VPS13A: variants seen among roughly 807,000 people sequenced by gnomAD.
VPS13A encodes vacuolar protein sorting 13 homolog A.
VPS13A carries 264 observed loss-of-function variants against 390.9 expected under a neutral mutation model. That is an observed-to-expected ratio of 0.68 (90% confidence interval 0.61 to 0.75). VPS13A has a LOEUF of 0.75. VPS13A is among the 30% of genes least tolerant of loss of function. VPS13A has a pLI of 0.00. For synonymous variants in VPS13A, 1,231 were observed against 1,227.1 expected (o/e 1.00, Z -0.07); for missense variants, 3,409 against 3,733.9 (o/e 0.91, Z 2.27).
At chr9:77,275,988 A>G in intron 25 of VPS13A, 77 bp from the exon 26 acceptor site, 2 of 1,462,800 alleles carry the variant, frequency 1.4e-6, no homozygotes, top group Non-Finnish European at 1.9e-6. Flanking sequence ...TACCTCATAT[A>G]TTCACATGTA....
At chr9:77,323,591 C>T (rs1167451024) in intron 45 of VPS13A, among the ~76,000 whole-genome samples, 3 of 151,964 alleles carry the variant, frequency 2.0e-5, no homozygotes, top group East Asian at 1.9e-4. Context: ...GAGGTATGTA[C>T]AATAAACTGC....
At chr9:77,204,652 G>A (rs1325148139) in intron 3 of VPS13A, among the ~76,000 whole-genome samples, 1 of 152,010 alleles carries the variant, frequency 6.6e-6, no homozygotes, top group Non-Finnish European at 1.5e-5. Context: ...GGGAGGTAAA[G>A]GTCTCACTCT....
At chr9:77,314,765 C>T (rs1829290133) in intron 37 of VPS13A, 101 bp downstream of exon 37, 2 of 1,169,960 alleles carry the variant, frequency 1.7e-6, no homozygotes, top group East Asian at 4.8e-5. Flanking sequence ...TGAGTGCATC[C>T]TAGGTTCTTT....
chr9:77,389,325 T>A (rs1833814328), intron 68 of VPS13A, among the ~76,000 whole-genome samples: 1 of 143,156 alleles, frequency 7.0e-6, no homozygotes, highest in South Asian at 2.2e-4. Flanking sequence ...TTTTTTTTTT[T>A]GAGACAGAGT....
intron 65 of VPS13A, 54 bp from the exon 66 acceptor site, chr9:77,370,836 C>G: frequency 6.2e-7 from 1 of 1,608,670 alleles, no homozygotes; most frequent in South Asian, 1.1e-5. Flanking sequence ...AAACTTGGTT[C>G]TTCTAGGCAT....
intron 1 of VPS13A, among the ~76,000 whole-genome samples, chr9:77,198,180 T>C (rs1486891105): frequency 6.6e-6 from 1 of 152,006 alleles, no homozygotes; most frequent in Non-Finnish European, 1.5e-5. Flanking sequence ...GAAGAAACAT[T>C]AGAAGCAGTT....
At chr9:77,207,948 G>A (rs906506502) in intron 5 of VPS13A, among the ~76,000 whole-genome samples, 2 of 152,132 alleles carry the variant, frequency 1.3e-5, no homozygotes, top group African/African-American at 4.8e-5. Context: ...TGCTTTTCAT[G>A]TAAAATGGAT....
intron 1 of VPS13A, 118 bp from the exon 2 acceptor site, chr9:77,199,827 T>C: frequency 1.3e-6 from 1 of 761,346 alleles, no homozygotes; most frequent in Non-Finnish European, 2.1e-6. Flanking sequence ...GATTATATTA[T>C]CTGTTATGCA....
chr9:77,368,800 T>G (rs762741422), intron 62 of VPS13A, among the ~76,000 whole-genome samples: 10 of 152,344 alleles, frequency 6.6e-5, no homozygotes, highest in Admixed American at 1.3e-4. Context: ...CATATTATTT[T>G]TAATACTATA....
At chr9:77,307,913 G>A (rs764784948) in intron 34 of VPS13A, 32 bp from the exon 35 acceptor site, 1 of 1,534,938 alleles carries the variant, frequency 6.5e-7, no homozygotes, top group African/African-American at 1.4e-5. Context: ...AAGTAGCAGT[G>A]CTAAAAAGAA....
chr9:77,338,000 A>T (rs1420695920), intron 47 of VPS13A: 1 of 156,396 alleles, frequency 6.4e-6, no homozygotes, highest in Non-Finnish European at 1.4e-5. Flanking sequence ...TTTTGAGACT[A>T]GGTTTCTCTC....
chr9:77,319,206 AAAAG>A (rs1393948430), intron 41 of VPS13A, among the ~76,000 whole-genome samples: 17 of 151,586 alleles, frequency 1.1e-4, no homozygotes, highest in South Asian at 1.0e-3. Context: ...AAAAAAAAAA[AAAAG>A]AAAAGAAAAG....
intron 3 of VPS13A, among the ~76,000 whole-genome samples, chr9:77,202,939 G>C (rs902788299): frequency 1.3e-5 from 2 of 151,968 alleles, no homozygotes; most frequent in African/African-American, 2.4e-5. Context: ...AGAAGAAGTG[G>C]GTTTAATTTT....
At chr9:77,298,787 G>A (rs922370516) in intron 33 of VPS13A, among the ~76,000 whole-genome samples, 1 of 152,076 alleles carries the variant, frequency 6.6e-6, no homozygotes, top group African/African-American at 2.4e-5. Context: ...TGAATCATGA[G>A]GGTGGTTCCC....
At chr9:77,357,952 CTTTTTTTT>C (rs5898534) in intron 56 of VPS13A, 114 bp downstream of exon 56, 16 of 346,182 alleles carry the variant, frequency 4.6e-5, no homozygotes, top group Middle Eastern at 9.3e-4. Flanking sequence ...TTGTGCTAGC[CTTTTTTTT>C]TTTTTTTTTT....
intron 24 of VPS13A, among the ~76,000 whole-genome samples, chr9:77,273,696 G>C (rs561612082): frequency 1.6e-4 from 24 of 152,130 alleles, no homozygotes; most frequent in Non-Finnish European, 3.2e-4. Flanking sequence ...GGGAGGCAAG[G>C]TATATGGGAA....
chr9:77,260,044 A>G (rs1328278357), intron 22 of VPS13A, 42 bp from the exon 23 acceptor site: 8 of 1,277,942 alleles, frequency 6.3e-6, no homozygotes, highest in Middle Eastern at 2.5e-4. Context: ...TTAAATCAGA[A>G]TAATTCCTTT....
chr9:77,389,668 T>A (rs1328099219), intron 68 of VPS13A: 1 of 152,144 alleles, frequency 6.6e-6, no homozygotes, highest in Non-Finnish European at 1.5e-5. Flanking sequence ...ACCTTTTGAC[T>A]CTATACTTTT....
chr9:77,253,553 C>T (rs562168993), intron 22 of VPS13A, among the ~76,000 whole-genome samples: 1 of 152,280 alleles, frequency 6.6e-6, no homozygotes, highest in African/African-American at 2.4e-5. Context: ...GATCCACCCG[C>T]CTCAGCCTCC....
Sources: gnomAD v4.1 joint callset for allele counts (sites outside exome capture counted in the v4.1 genomes callset) on GRCh38, gnomAD v4.1.1 for gene constraint, MANE v1.5 for transcripts, NCBI Gene and HGNC (gene_info 2026-07-23, HGNC 2026-07-21) for gene names.